The following ZNF157 variants were observed in gnomAD, a reference collection of about 807,000 sequenced individuals.
The protein encoded by ZNF157 is zinc finger protein 157, also known as zinc finger protein 22.
ZNF157 carries 8 observed loss-of-function variants against 9.4 expected under a neutral mutation model. The ratio of observed to expected loss-of-function variants is 0.85; its 90% CI spans 0.50 to 1.53. The LOEUF is 1.53. Among genes scored for constraint, ZNF157 ranks in the 40% most tolerant of loss-of-function variants. The probability of loss-of-function intolerance (pLI) is 0.00; values close to 1 mark genes in which losing one functional copy is unlikely to be tolerated. For missense variants in ZNF157, 316 were observed against 385.2 expected, an observed-to-expected ratio of 0.82 and a Z score of 1.50; for synonymous variants, 120 against 130.8, an observed-to-expected ratio of 0.92 and a Z score of 0.56.
intron 1 of ZNF157, among the ~76,000 whole-genome samples, chrX:47,392,898 G>A (rs956579589): frequency 5.4e-5 from 6 of 111,746 alleles, no homozygotes; most frequent in African/African-American, 1.9e-4. Context: ...GCTCATGCCT[G>A]TAATTCTGGC....
intron 1 of ZNF157, among the ~76,000 whole-genome samples, chrX:47,393,246 CCT>C (rs1234928374): frequency 8.9e-6 from 1 of 111,896 alleles, no homozygotes; most frequent in Non-Finnish European, 1.9e-5. Flanking sequence ...AGTCATTCTT[CCT>C]TTGTGTTGCA....
intron 1 of ZNF157, among the ~76,000 whole-genome samples, chrX:47,374,998 CTTTTTTTTTTTTTT>C (rs769541152): frequency 0.065 from 1,609 of 24,788 alleles, 116 homozygotes; most frequent in African/African-American, 0.21. Flanking sequence ...GGCTGACAAT[CTTTTTTTTTTTTTT>C]TTTTTTTTTT....
rs764755702 is a variant in ZNF157, at chrX:47,395,341, T to C, written c.73-14935T>C. On this transcript the variant is annotated intron_variant, in intron 1 of 3. Coordinates refer to ENST00000377073, the MANE Select transcript of ZNF157 (RefSeq NM_003446.4). ...CTGGGGCTACAGGTGTATGTCACCA[T>C]GCCTGGCTTAATTGTAGATGTTAAT... is the stretch of plus-strand genomic sequence containing the variant. Among the ~76,000 whole-genome samples the C allele has an allele frequency of 3.6e-5, 4 of 111,951 alleles. No homozygotes were observed. The East Asian group carries it at 8.4e-4, about 24-fold the overall frequency.
intron 1 of ZNF157, among the ~76,000 whole-genome samples, chrX:47,404,182 T>C (rs187227106): frequency 0.019 from 2,050 of 109,608 alleles, 33 homozygotes; most frequent in African/African-American, 0.049. Flanking sequence ...TTTGTTTGTT[T>C]TGAGATAGAG....
intron 1 of ZNF157, among the ~76,000 whole-genome samples, chrX:47,390,691 G>A (rs1240943650): frequency 8.9e-6 from 1 of 112,514 alleles, no homozygotes; most frequent in Non-Finnish European, 1.9e-5. Flanking sequence ...GGCAACAAGA[G>A]CAAAACTCCG....
intron 1 of ZNF157, among the ~76,000 whole-genome samples, chrX:47,385,254 TTAAG>T (rs1212317926): frequency 1.8e-5 from 2 of 111,791 alleles, no homozygotes; most frequent in African/African-American, 6.5e-5. Context: ...ATAATAGTAT[TTAAG>T]TATTTACAAA....
intron 1 of ZNF157, among the ~76,000 whole-genome samples, chrX:47,378,547 C>T (rs1278683416): frequency 8.9e-6 from 1 of 111,968 alleles, no homozygotes; most frequent in African/African-American, 3.2e-5. Context: ...AAACTATAAG[C>T]CAAGTTCCTC....
intron 1 of ZNF157, among the ~76,000 whole-genome samples, chrX:47,371,231 G>A (rs973883999): frequency 4.5e-5 from 5 of 109,947 alleles, no homozygotes; most frequent in African/African-American, 1.3e-4. Context: ...CCAGCTACTC[G>A]GGAGGTTGAG....
Position 47,412,893 on chromosome X carries a change from T to C in ZNF157, c.820T>C (p.Tyr274His), listed in dbSNP as rs759285686. The C allele has an allele frequency of 8.3e-7, 1 of 1,211,966 alleles. No individual in the cohort carries two copies. Among genetic ancestry groups the C allele is most frequent in the Non-Finnish European group, 1.1e-6 (1 of 895,512 alleles). Residue 274 changes from tyrosine to histidine, a missense_variant, in exon 4 of 4, where the codon TAT becomes CAT. Tyr to His is a moderately conservative substitution (Grantham distance 83). Coordinates refer to ENST00000377073, the MANE Select transcript of ZNF157 (RefSeq NM_003446.4). ...HQRTHTGEKPYECSECGKTFR... is the reference protein window; with the variant it reads ...HQRTHTGEKPHECSECGKTFR... Reference sequence around the variant, plus strand: ...GAGAACTCACACAGGGGAGAAACCCTATGAATGTAGTGAATGTGGGAAAAC... The same window carrying C: ...GAGAACTCACACAGGGGAGAAACCCCATGAATGTAGTGAATGTGGGAAAAC...
chrX:47,382,736 A>G (rs191476269), intron 1 of ZNF157, among the ~76,000 whole-genome samples: 9 of 109,631 alleles, frequency 8.2e-5, no homozygotes, highest in African/African-American at 3.0e-4. Flanking sequence ...ACTGTGTAAC[A>G]TATGCCAAGA....
Position 47,412,525 on chromosome X carries a change from G to A in ZNF157, c.452G>A (p.Arg151Lys). 1 of 1,212,034 alleles carries A rather than the reference G, an allele frequency of 8.3e-7. No individual in the cohort carries two copies. The highest frequency in any genetic ancestry group is 1.1e-6 in the Non-Finnish European group (1 of 895,607). The change falls in exon 4 of 4, where the codon AGA (arginine) becomes AAA (lysine). Residue 151 changes from arginine (R) to lysine (K), a missense_variant. Transcript: ENST00000377073. ...TTCCATGAGAAAACAGGCTTTGTTA[G>A]ACGTAAAAGAACACCCAGAGGAGAT... ...KAFHEKTGFV[R>K]RKRTPRGDKN...
Position 47,411,580 on chromosome X carries a change from C to G in ZNF157, c.296-789C>G, listed in dbSNP as rs546082368. On this transcript the variant is annotated intron_variant, in intron 3 of 3. Coordinates refer to ENST00000377073, the MANE Select transcript of ZNF157 (RefSeq NM_003446.4). ...ACAGAATCTCACTATGTTGCCCAGGCTGGTCTTGAACTCCTGGGCTCAAGT... is the reference window on the plus strand; with the variant it reads ...ACAGAATCTCACTATGTTGCCCAGGGTGGTCTTGAACTCCTGGGCTCAAGT... Among the ~76,000 whole-genome samples, 44 of 108,626 alleles carry G rather than the reference C, an allele frequency of 4.1e-4. 1 individual carries two copies. The highest frequency in any genetic ancestry group is 1.5e-3 in the African/African-American group (44 of 29,890). 94.3% of individuals were successfully genotyped at this position (108,626 alleles called of 115,157 possible). A position where few individuals can be genotyped will look rare whatever the true frequency, so the allele number is the denominator to read the frequency against.
intron 1 of ZNF157, among the ~76,000 whole-genome samples, chrX:47,381,115 GAGAA>G (rs1486358098): frequency 2.0e-5 from 2 of 100,816 alleles, no homozygotes; most frequent in Non-Finnish European, 4.0e-5. Context: ...AGAGCAGAAG[GAGAA>G]AGAGCAGGAG....
chrX:47,409,563 G>T (rs747214898), intron 1 of ZNF157, among the ~76,000 whole-genome samples: 1 of 106,423 alleles, frequency 9.4e-6, no homozygotes, highest in Non-Finnish European at 1.9e-5. Flanking sequence ...GGCTGGTCTC[G>T]AACTCCTGAC....
At chrX:47,395,327 G>A (rs1451534675) in intron 1 of ZNF157, among the ~76,000 whole-genome samples, 1 of 111,833 alleles carries the variant, frequency 8.9e-6, no homozygotes, top group East Asian at 2.8e-4. Context: ...TGGGGCTACA[G>A]GTGTATGTCA....
chrX:47,412,724 C>T lies in ZNF157; in HGVS notation c.651C>T (p.Pro217=). 1 of 1,211,574 alleles carries T rather than the reference C, an allele frequency of 8.3e-7. No individual in the cohort carries two copies. The highest frequency in any genetic ancestry group is 1.7e-5 in the African/African-American group (1 of 57,746). The part of the protein sequence containing the change: ...AHQKTHTGER[P]FECNECGKSF... ...AGAAAACTCACACAGGGGAGAGGCC[C>T]TTTGAATGTAATGAATGTGGGAAAT... The change falls in exon 4 of 4, where the codon CCC becomes CCT. Residue 217 remains proline (P), a synonymous_variant. Coordinates refer to ENST00000377073, the MANE Select transcript of ZNF157 (RefSeq NM_003446.4).
Position 47,413,451 on chromosome X carries a change from C to A in ZNF157, c.1378C>A (p.His460Asn). ...AFYVKVRLIE[H>N]QRIHTGERPF... is the part of the protein sequence containing the mutation. Reference sequence around the variant, plus strand: ...CTATGTGAAAGTACGCCTCATTGAACATCAGCGAATTCACACAGGAGAGAG... The same window carrying A: ...CTATGTGAAAGTACGCCTCATTGAAAATCAGCGAATTCACACAGGAGAGAG... Residue 460 changes from histidine to asparagine, a missense_variant, in exon 4 of 4, where the codon CAT (histidine) becomes AAT (asparagine). Physicochemically the swap from His to Asn is moderately conservative, Grantham distance 68 (BLOSUM62 1). Transcript: ENST00000377073. 3.3e-6 allele frequency: 4 copies of A among 1,211,949 alleles called. No homozygotes were observed. The highest frequency in any genetic ancestry group is 4.5e-6 in the Non-Finnish European group (4 of 895,550).
chrX:47,410,528 C>T, intron 2 of ZNF157, 126 bp downstream of exon 2: 2 of 995,204 alleles, frequency 2.0e-6, no homozygotes, highest in South Asian at 4.6e-5. Flanking sequence ...TTTAGGGCAC[C>T]AGAAAAAATG....
intron 1 of ZNF157, among the ~76,000 whole-genome samples, chrX:47,395,625 G>A (rs1020467826): frequency 1.8e-5 from 2 of 112,203 alleles, no homozygotes; most frequent in Admixed American, 1.9e-4. Flanking sequence ...GACAAAGTCA[G>A]TGGGTGATGC....
Sources: allele counts gnomAD v4.1 joint callset (sites outside exome capture counted in the v4.1 genomes callset), GRCh38; gene constraint gnomAD v4.1.1; transcripts MANE v1.5; gene names NCBI Gene and HGNC (gene_info 2026-07-23, HGNC 2026-07-21).